The following TNRC18 variants were observed in gnomAD, a reference collection of about 807,000 sequenced individuals.
TNRC18 encodes trinucleotide repeat containing 18, also known as trinucleotide repeat-containing gene 18 protein.
Under a neutral mutation model 226.7 loss-of-function variants are expected in TNRC18, and 69 were observed. That is an observed-to-expected ratio of 0.30 (90% confidence interval 0.25 to 0.37). The LOEUF is 0.37. Among genes scored for constraint, TNRC18 ranks in the 10% least tolerant of loss-of-function variants. TNRC18 has a pLI of 1.00. For missense variants in TNRC18, 4,754 were observed against 4,256.6 expected (o/e 1.12, Z -3.25); for synonymous variants, 2,449 against 1,927.6 (o/e 1.27, Z -7.09).
intron 16 of TNRC18, 124 bp from the exon 17 acceptor site, chr7:5,352,218 T>A: frequency 9.7e-7 from 1 of 1,026,572 alleles, no homozygotes; most frequent in Non-Finnish European, 1.4e-6. Flanking sequence ...TCCGAATACC[T>A]AGTAGGCGGC....
chr7:5,345,524 C>CCCCCCCCACCCCCCCCCCCCCCCCA, intron 18 of TNRC18, 38 bp downstream of exon 18: 1 of 182,374 alleles, frequency 5.5e-6, no homozygotes, highest in Non-Finnish European at 1.2e-5. Context: ...TCCGCCCCTC[C>CCCCCCCCACCCCCCCCCCCCCCCCA]CACCCACCCC....
chr7:5,356,991 C>A lies in TNRC18; in HGVS notation c.5119G>T (p.Val1707Leu). ...GGCTGGCCTCTGGCCTTGAACCCCA[C>A]CTCCATCTTCCTGGTTTTGGCTGCC... Reference protein sequence around the residue: ...KRAAKTRKMEVGFKARGQPKS... With the variant: ...KRAAKTRKMELGFKARGQPKS... Residue 1707 changes from valine to leucine, a missense_variant, in exon 16 of 30, where the codon GTG becomes TTG. Physicochemically the swap from Val to Leu is conservative, Grantham distance 32 (BLOSUM62 1). Coordinates refer to ENST00000430969, the MANE Select transcript of TNRC18 (RefSeq NM_001080495.3). The A allele has an allele frequency of 6.4e-7, 1 of 1,552,286 alleles. No homozygotes were observed. The highest frequency in any genetic ancestry group is 8.7e-7 in the Non-Finnish European group (1 of 1,147,114).
intron 2 of TNRC18, among the ~76,000 whole-genome samples, chr7:5,399,426 C>A (rs1047219147): frequency 6.6e-6 from 1 of 152,208 alleles, no homozygotes; most frequent in Non-Finnish European, 1.5e-5. Context: ...AAACCTAAAA[C>A]ACACACCTGG....
At chr7:5,368,970 C>T (rs780545528) in intron 11 of TNRC18, among the ~76,000 whole-genome samples, 3 of 152,144 alleles carry the variant, frequency 2.0e-5, no homozygotes, top group African/African-American at 7.2e-5. Context: ...TTCCCTACAC[C>T]CCAGAGGCAA....
intron 19 of TNRC18, among the ~76,000 whole-genome samples, chr7:5,330,456 G>T (rs960146119): frequency 6.6e-6 from 1 of 150,602 alleles, no homozygotes; most frequent in African/African-American, 2.4e-5. Flanking sequence ...GTGTTGCCCA[G>T]GCCAGTCTCA....
At position 5,410,933 on chromosome 7, in the gene TNRC18, T is replaced by C. The variant is rs1302855492; in HGVS notation, c.187+10127A>G. On this transcript the variant is annotated intron_variant, in intron 2 of 29. Transcript: ENST00000430969. ...AGAAAAGAAAGGAGAAGGCTGGGCG[T>C]GGTGGCTCACACCTGTAATCCCAGC... is the stretch of plus-strand genomic sequence containing the variant. Among the ~76,000 whole-genome samples the C allele has an allele frequency of 1.2e-4, 16 of 134,416 alleles. No individual in the cohort carries two copies. The Admixed American group carries it at 1.2e-3, about 10-fold the overall frequency. 88.2% of individuals were successfully genotyped at this position (134,416 alleles called of 152,430 possible).
Position 5,371,185 on chromosome 7 carries a change from G to A in TNRC18, c.3409C>T (p.Pro1137Ser), listed in dbSNP as rs555619404. The A allele has an allele frequency of 1.2e-6, 2 of 1,605,568 alleles. No individual in the cohort carries two copies. The highest frequency in any genetic ancestry group is 1.3e-5 in the African/African-American group (1 of 74,842). ...SPEDKPIRLS[P>S]SKITEPLREG... ...CGCAGCGGCTCTGTGATCTTGGAGGGGGACAAGCGGATGGGCTTGTCTTCG... is the reference window on the plus strand; with the variant it reads ...CGCAGCGGCTCTGTGATCTTGGAGGAGGACAAGCGGATGGGCTTGTCTTCG... Residue 1137 changes from proline to serine, a missense_variant, in exon 11 of 30, where the codon CCC becomes TCC. Transcript: ENST00000430969.
At chr7:5,328,619 C>G (rs529730326) in intron 19 of TNRC18, among the ~76,000 whole-genome samples, 1 of 151,918 alleles carries the variant, frequency 6.6e-6, no homozygotes, top group East Asian at 1.9e-4. Context: ...AGCGATTCTT[C>G]TGCCTCGGCC....
rs996947273 is a variant in TNRC18, at chr7:5,351,751, T to A, written c.5470+68A>T. ...TCTCCCGTGCGCCCACTCGCTTCCCTCTCGCTCACTCGCACGCACTCTCTC... is the reference window on the plus strand; with the variant it reads ...TCTCCCGTGCGCCCACTCGCTTCCCACTCGCTCACTCGCACGCACTCTCTC... On this transcript the variant is annotated intron_variant, in intron 17 of 29. Coordinates refer to ENST00000430969, the MANE Select transcript of TNRC18 (RefSeq NM_001080495.3). The A allele has an allele frequency of 4.8e-6, 7 of 1,471,030 alleles. No homozygotes were observed. In the African/African-American group the frequency reaches 9.9e-5, roughly 21 times the overall value. The allele number at this position is 1,471,030 out of a possible 1,614,324, so 91.1% of individuals were successfully genotyped here.
chr7:5,388,131 A>C lies in TNRC18; in HGVS notation c.1693T>G (p.Cys565Gly). Residue 565 changes from cysteine (C) to glycine (G), a missense_variant, in exon 5 of 30, where the codon TGC (cysteine) becomes GGC (glycine). Coordinates refer to ENST00000430969, the MANE Select transcript of TNRC18 (RefSeq NM_001080495.3). ...TGCATGTCAGCGACCGGCCGGCCGC[A>C]GGTGGCCGCCGAGCGGGGCAGCACA... is the stretch of plus-strand genomic sequence containing the variant. ...GAVLPRSAATCGRPVADMHSA... is the reference protein window; with the variant it reads ...GAVLPRSAATGGRPVADMHSA... 6.4e-7 allele frequency: 1 copy of C among 1,556,990 alleles called. No homozygotes were observed. The highest frequency in any genetic ancestry group is 8.7e-7 in the Non-Finnish European group (1 of 1,151,866).
At chr7:5,327,501 T>C (rs1288477733) in intron 19 of TNRC18, among the ~76,000 whole-genome samples, 1 of 152,026 alleles carries the variant, frequency 6.6e-6, no homozygotes, top group Non-Finnish European at 1.5e-5. Flanking sequence ...TGAAAGAATG[T>C]TAGTGGCGCT....
intron 17 of TNRC18, among the ~76,000 whole-genome samples, chr7:5,350,127 G>A (rs552904013): frequency 2.1e-4 from 32 of 152,026 alleles, no homozygotes; most frequent in Admixed American, 9.8e-4. Flanking sequence ...GGAGATGGGG[G>A]AAAGGGAGGA....
intron 2 of TNRC18, among the ~76,000 whole-genome samples, chr7:5,399,856 C>T (rs1051436567): frequency 6.6e-6 from 1 of 151,496 alleles, no homozygotes; most frequent in African/African-American, 2.4e-5. Context: ...GAAAACCACC[C>T]CCCGCCCCCG....
rs1330821879 is a variant in TNRC18 at position 5,308,060 on chromosome 7, C to T, written c.*46G>A. ...CGCCATGGCAGTGATGGAGATGGGT[C>T]CCTGGCCGCCCTCGGGGCACAGGTG... On this transcript the variant is annotated 3_prime_UTR_variant, in exon 30 of 30. Coordinates refer to ENST00000430969, the MANE Select transcript of TNRC18 (RefSeq NM_001080495.3). 1.3e-6 allele frequency: 2 copies of T among 1,518,008 alleles called. No homozygotes were observed. The highest frequency in any genetic ancestry group is 4.0e-5 in the Admixed American group (2 of 49,664). The allele number at this position is 1,518,008 out of a possible 1,614,324, so 94.0% of individuals were successfully genotyped here.
chr7:5,406,445 G>A (rs187205294), intron 2 of TNRC18, among the ~76,000 whole-genome samples: 1 of 152,234 alleles, frequency 6.6e-6, no homozygotes, highest in Admixed American at 6.5e-5. Flanking sequence ...CTGGGTAATA[G>A]AGCGAGACTC....
chr7:5,390,721 C>A, intron 3 of TNRC18, 93 bp from the exon 4 acceptor site: 2 of 1,401,160 alleles, frequency 1.4e-6, no homozygotes, highest in Middle Eastern at 2.6e-4. Context: ...ATTTTGGCAG[C>A]CGACCGCTGG....
At chr7:5,407,832 G>A (rs1258853039) in intron 2 of TNRC18, among the ~76,000 whole-genome samples, 3 of 152,156 alleles carry the variant, frequency 2.0e-5, no homozygotes, top group East Asian at 1.9e-4. Flanking sequence ...ACCTCCCAGG[G>A]TGGAAAAAGA....
In TNRC18 at chr7:5,341,182, C is replaced by A. The variant is rs142420883; in HGVS notation, c.5719+4380G>T. On this transcript the variant is annotated intron_variant, in intron 18 of 29. Coordinates refer to ENST00000430969, the MANE Select transcript of TNRC18 (RefSeq NM_001080495.3). The stretch of plus-strand genomic sequence containing the variant: ...ATCCCAGCACTTTGGGAGGCTGAGG[C>A]AGGCGGATCACGATGTCAGGAGATG... 5.2e-3 allele frequency among the ~76,000 whole-genome samples: 788 copies of A among 151,694 alleles called. 9 individuals carry two copies. The highest frequency in any genetic ancestry group is 0.018 in the African/African-American group (758 of 41,348).
At chr7:5,383,033 A>G (rs1779505502) in intron 5 of TNRC18, among the ~76,000 whole-genome samples, 1 of 152,104 alleles carries the variant, frequency 6.6e-6, no homozygotes, top group East Asian at 1.9e-4. Context: ...AGCTGGGACT[A>G]TAGATGCCAC....
Sources: gnomAD v4.1 joint callset for allele counts (sites outside exome capture counted in the v4.1 genomes callset) on GRCh38, gnomAD v4.1.1 for gene constraint, MANE v1.5 for transcripts, NCBI Gene and HGNC (gene_info 2026-07-23, HGNC 2026-07-21) for gene names.